Variants in PRR14 observed in about 807,000 individuals in gnomAD.
The protein encoded by PRR14 is proline-rich protein 14.
A neutral mutation model predicts 57.2 loss-of-function variants in PRR14; 33 were observed. The observed-to-expected ratio is 0.58, with a 90% confidence interval of 0.44 to 0.77. The LOEUF (loss-of-function observed/expected upper bound fraction) is 0.77. PRR14 is among the 30% of genes least tolerant of loss of function. The pLI is 0.00. For synonymous variants in PRR14, 303 were observed against 314.7 expected, an observed-to-expected ratio of 0.96 and a Z score of 0.39; for missense variants, 716 against 788.1, an observed-to-expected ratio of 0.91 and a Z score of 1.10.
chr16:30,651,934 G>A lies in PRR14; in HGVS notation c.162G>A (p.Val54=). 6.4e-7 allele frequency: 1 copy of A among 1,558,990 alleles called. No homozygotes were observed. The highest frequency in any genetic ancestry group is 8.7e-7 in the Non-Finnish European group (1 of 1,154,988). Residue 54 remains valine (V), a synonymous_variant, in exon 3 of 12, where the codon GTG becomes GTA. Coordinates refer to ENST00000300835, the MANE Select transcript of PRR14 (RefSeq NM_024031.5). This position sits in a 1 kb window ranked among gnomAD's most constrained non-coding sequence, Gnocchi z 5.0. ...LEKASRRVLA[V]VLEDVMAVHM... Reference sequence around the variant, plus strand: ...AGGCCTCTCGGCGGGTCCTGGCCGTGGTGCTAGAAGATGTCATGGCTGTTC... The same window carrying A: ...AGGCCTCTCGGCGGGTCCTGGCCGTAGTGCTAGAAGATGTCATGGCTGTTC...
rs967594917 is a variant in PRR14, at chr16:30,653,110, G to T, written c.504+7G>T. Reference sequence around the variant, plus strand: ...TCCTAGACCCCCCGCTGAGGTATGGGAACTGAGGGTACGGATGTCAAGGGT... The same window carrying T: ...TCCTAGACCCCCCGCTGAGGTATGGTAACTGAGGGTACGGATGTCAAGGGT... On this transcript the variant is annotated splice_region_variant and intron_variant, in intron 5 of 11. Coordinates refer to ENST00000300835, the MANE Select transcript of PRR14 (RefSeq NM_024031.5). 1.8e-5 allele frequency: 28 copies of T among 1,592,726 alleles called. No individual in the cohort carries two copies. Among genetic ancestry groups the T allele is most frequent in the Non-Finnish European group, 2.3e-5 (27 of 1,168,100 alleles).
intron 6 of PRR14, among the ~76,000 whole-genome samples, chr16:30,653,767 A>G (rs558766860): frequency 1.7e-3 from 263 of 152,292 alleles, no homozygotes; most frequent in African/African-American, 2.3e-3. Context: ...CCTGGGTTCA[A>G]GTGATTCTCC....
At position 30,656,346 on chromosome 16, in the gene PRR14, C is replaced by T; in HGVS notation, c.*35C>T. Reference sequence around the variant, plus strand: ...CTGTTGGTCATCCATCCTGAAGGGACAGGAAACCTCCCAGGCAGTTATTTT... The same window carrying T: ...CTGTTGGTCATCCATCCTGAAGGGATAGGAAACCTCCCAGGCAGTTATTTT... On this transcript the variant is annotated 3_prime_UTR_variant, in exon 12 of 12. Coordinates refer to ENST00000300835, the MANE Select transcript of PRR14 (RefSeq NM_024031.5). 6.4e-7 allele frequency: 1 copy of T among 1,561,582 alleles called. No homozygotes were observed. The highest frequency in any genetic ancestry group is 8.6e-7 in the Non-Finnish European group (1 of 1,160,500).
At position 30,656,034 on chromosome 16, in the gene PRR14, C is replaced by T. The variant is rs200931201; in HGVS notation, c.1481C>T (p.Thr494Ile). The change falls in exon 12 of 12, where the codon ACC (threonine) becomes ATC (isoleucine). Residue 494 changes from threonine (T) to isoleucine (I), a missense_variant and splice_region_variant. Coordinates refer to ENST00000300835, the MANE Select transcript of PRR14 (RefSeq NM_024031.5). ...KNYQSPTTRR[T>I]FETIFEEPRE... is the part of the protein sequence containing the mutation. ...GCTCCTCTCCCTGCCTTGTTCAGGACCTTTGAGACCATCTTTGAGGAACCC... is the reference window on the plus strand; with the variant it reads ...GCTCCTCTCCCTGCCTTGTTCAGGATCTTTGAGACCATCTTTGAGGAACCC... 1.3e-6 allele frequency: 2 copies of T among 1,564,594 alleles called. No homozygotes were observed. Among genetic ancestry groups the T allele is most frequent in the East Asian group, 2.2e-5 (1 of 44,592 alleles).
intron 3 of PRR14, 179 bp downstream of exon 3, chr16:30,652,143 T>C: frequency 1.4e-6 from 1 of 706,502 alleles, no homozygotes; most frequent in South Asian, 1.9e-5. Flanking sequence ...AACCTAGAAT[T>C]GGGCAGTGCC....
chr16:30,654,151 C>A, intron 6 of PRR14, 79 bp from the exon 7 acceptor site: 2 of 949,014 alleles, frequency 2.1e-6, no homozygotes. Flanking sequence ...AAAGAAGAAG[C>A]CTTAAGGGAT....
At chr16:30,654,532 G>A (rs2052345631) in intron 7 of PRR14, 97 bp from the exon 8 acceptor site, 2 of 1,069,440 alleles carry the variant, frequency 1.9e-6, no homozygotes, top group African/African-American at 3.2e-5. Flanking sequence ...TGTTTTAAGG[G>A]TGGGCTAATT....
intron 6 of PRR14, 39 bp downstream of exon 6, chr16:30,653,447 C>CA: frequency 6.3e-7 from 1 of 1,586,980 alleles, no homozygotes; most frequent in Non-Finnish European, 8.7e-7. Flanking sequence ...AGGATCCAGG[C>CA]AACAGCCATC....
At position 30,655,825 on chromosome 16, in the gene PRR14, A is replaced by G. The variant is rs746779425; in HGVS notation, c.1407-43A>G. ...GGCCTTACCTGTCCCTTCAGGCCCC[A>G]CTGGCCCAAGGTTTCTCAGTGGCCT... On this transcript the variant is annotated intron_variant, in intron 10 of 11. Transcript: ENST00000300835. This position sits in a 1 kb window ranked among gnomAD's most constrained non-coding sequence, Gnocchi z 4.6. 2.5e-6 allele frequency: 4 copies of G among 1,606,826 alleles called. No individual in the cohort carries two copies. The highest frequency in any genetic ancestry group is 2.6e-6 in the Non-Finnish European group (3 of 1,173,364).
At position 30,655,381 on chromosome 16, in the gene PRR14, A is replaced by C. The variant is rs2052359928; in HGVS notation, c.1275A>C (p.Arg425Ser). 1 of 1,613,976 alleles carries C rather than the reference A, an allele frequency of 6.2e-7. No individual in the cohort carries two copies. Among genetic ancestry groups the C allele is most frequent in the Admixed American group, 1.7e-5 (1 of 60,004 alleles). ...RLGSTKGKEP[R>S]ASKDQVLSEP... is the part of the protein sequence containing the mutation. ...GTTCAACCAAAGGGAAGGAGCCAAG[A>C]GCCTCAAAGGACCAGGTGCTTTCAG... Residue 425 changes from arginine (R) to serine (S), a missense_variant, in exon 9 of 12, where the codon AGA becomes AGC. Transcript: ENST00000300835. The surrounding 1 kb of genome is among the most constrained non-coding windows in gnomAD (Gnocchi z 4.6).
intron 6 of PRR14, 191 bp from the exon 7 acceptor site, chr16:30,654,039 G>A (rs997502066): frequency 3.4e-6 from 2 of 591,654 alleles, no homozygotes; most frequent in East Asian, 2.8e-5. Context: ...TGAGGTGGGA[G>A]GACTGCCTGA....
chr16:30,653,155 G>A, intron 5 of PRR14, 52 bp downstream of exon 5: 1 of 1,524,030 alleles, frequency 6.6e-7, no homozygotes, highest in Non-Finnish European at 8.9e-7. Flanking sequence ...TTCCAGCAGG[G>A]ATAGAAGGGT....
In PRR14 at chr16:30,654,648, G is replaced by T; in HGVS notation, c.678G>T (p.Glu226Asp). The part of the protein sequence containing the change: ...SPPTAPDPAL[E>D]LPSTPPPSSL... Reference sequence around the variant, plus strand: ...CCTCAGCCCCAGATCCTGCTCTGGAGCTCCCATCCACCCCACCACCGTCCA... The same window carrying T: ...CCTCAGCCCCAGATCCTGCTCTGGATCTCCCATCCACCCCACCACCGTCCA... The change falls in exon 8 of 12, where the codon GAG becomes GAT. Residue 226 changes from glutamate to aspartate, a missense_variant. Transcript: ENST00000300835. 1 of 1,607,786 alleles carries T rather than the reference G, an allele frequency of 6.2e-7. No individual in the cohort carries two copies.
chr16:30,654,446 A>T, intron 7 of PRR14, 107 bp downstream of exon 7: 1 of 1,037,904 alleles, frequency 9.6e-7, no homozygotes, highest in Admixed American at 2.0e-5. Flanking sequence ...GCCACCTCCC[A>T]GGGCAGGGCT....
intron 3 of PRR14, chr16:30,652,477 A>T: frequency 1.7e-6 from 1 of 604,854 alleles, no homozygotes; most frequent in Non-Finnish European, 2.9e-6. Context: ...ACCCTAGCTC[A>T]CCCTGTCTTT....
chr16:30,655,220 G>A lies in PRR14; in HGVS notation c.1244+6G>A. ...TCCGAACCAGCAGAACCCAGGTAGT[G>A]CTCTCAAAAAACCCCCTTGAAGCCT... On this transcript the variant is annotated splice_donor_region_variant and intron_variant, in intron 8 of 11. Transcript: ENST00000300835. This position sits in a 1 kb window ranked among gnomAD's most constrained non-coding sequence, Gnocchi z 4.6. The A allele has an allele frequency of 1.3e-6, 2 of 1,591,516 alleles. No individual in the cohort carries two copies. The highest frequency in any genetic ancestry group is 1.7e-6 in the Non-Finnish European group (2 of 1,167,334).
chr16:30,653,113 C>T lies in PRR14; in HGVS notation c.504+10C>T. 2.5e-6 allele frequency: 4 copies of T among 1,590,140 alleles called. No individual in the cohort carries two copies. Among genetic ancestry groups the T allele is most frequent in the Non-Finnish European group, 2.6e-6 (3 of 1,166,518 alleles). On this transcript the variant is annotated intron_variant, in intron 5 of 11. Transcript: ENST00000300835. ...TAGACCCCCCGCTGAGGTATGGGAA[C>T]TGAGGGTACGGATGTCAAGGGTTCT...
In PRR14 at chr16:30,656,366, TA is replaced by T. The variant is rs972209909; in HGVS notation, c.*56del. The T allele has an allele frequency of 6.7e-7, 1 of 1,500,258 alleles. No individual in the cohort carries two copies. The highest frequency in any genetic ancestry group is 1.4e-5 in the African/African-American group (1 of 70,724). 92.9% of individuals were successfully genotyped at this position (1,500,258 alleles called of 1,614,324 possible). A position where few individuals can be genotyped will look rare whatever the true frequency, so the allele number is the denominator to read the frequency against. ...AGGGACAGGAAACCTCCCAGGCAGT[TA>T]TTTTTTTTTCTCTATATTTCTAGTA... On this transcript the variant is annotated 3_prime_UTR_variant, in exon 12 of 12. Coordinates refer to ENST00000300835, the MANE Select transcript of PRR14 (RefSeq NM_024031.5).
In PRR14 at chr16:30,656,311, G is replaced by T; in HGVS notation, c.1758G>T (p.Ter586TyrextTer34). 6.2e-7 allele frequency: 1 copy of T among 1,608,802 alleles called. No individual in the cohort carries two copies. Residue 586 changes from the stop codon to tyrosine, a stop_lost, in exon 12 of 12, where the codon TAG becomes TAT. Transcript: ENST00000300835. ...ATCGGGAGCAGCCCCACTGGACCTA[G>T]GTGCCCCATCTGTTGGTCATCCATC... ...TVDREQPHWT[*>Y]
Sources: allele counts gnomAD v4.1 joint callset (sites outside exome capture counted in the v4.1 genomes callset), GRCh38; gene constraint gnomAD v4.1.1; non-coding constraint Gnocchi (gnomAD v3.1); transcripts MANE v1.5; gene names NCBI Gene and HGNC (gene_info 2026-07-23, HGNC 2026-07-21).